The following MT4 variants were observed in gnomAD, a reference collection of about 807,000 sequenced individuals.
MT4 encodes the protein metallothionein-4.
MT4 carries 11 observed loss-of-function variants against 9.5 expected under a neutral mutation model. The observed-to-expected ratio is 1.16, with a 90% CI of 0.73 to 1.92. The LOEUF (loss-of-function observed/expected upper bound fraction) is 1.92. Among genes scored for constraint, MT4 ranks in the 30% most tolerant of loss-of-function variants. The probability of loss-of-function intolerance (pLI) is 0.00; values close to 1 mark genes in which losing one functional copy is unlikely to be tolerated. For missense variants in MT4, 88 were observed against 78.7 expected (o/e 1.12, Z -0.45); for synonymous variants, 29 against 24.6 (o/e 1.18, Z -0.53).
chr16:56,565,716 G>C (rs1408634388), intron 1 of MT4, among the ~76,000 whole-genome samples: 1 of 152,180 alleles, frequency 6.6e-6, no homozygotes, highest in South Asian at 2.1e-4. Context: ...GCCAGAAGGA[G>C]AGAAATCAGG....
At chr16:56,565,309 C>G (rs182221) in intron 1 of MT4, 150 bp downstream of exon 1, 492,424 of 672,270 alleles carry the variant, frequency 0.73, 187,206 homozygotes, top group Admixed American at 0.8. Context: ...CTGGCCACCT[C>G]TGGGGCAGCT....
At chr16:56,566,696 GAAAGAGAAAGAAAGAA>G (rs1959523017) in intron 1 of MT4, among the ~76,000 whole-genome samples, 2 of 107,996 alleles carry the variant, frequency 1.9e-5, no homozygotes, top group Non-Finnish European at 3.8e-5. Flanking sequence ...AAGAAAGAAA[GAAAGAGAAAGAAAGAA>G]AGAAAGAAAG....
At chr16:56,565,619 C>A (rs750125346) in intron 1 of MT4, among the ~76,000 whole-genome samples, 100 of 152,288 alleles carry the variant, frequency 6.6e-4, no homozygotes, top group Non-Finnish European at 1.3e-3. Context: ...CCATTAAGCA[C>A]CTGCAGATGT....
chr16:56,567,700 C>T, intron 1 of MT4, 51 bp from the exon 2 acceptor site: 1 of 1,553,452 alleles, frequency 6.4e-7, no homozygotes, highest in South Asian at 1.1e-5. Context: ...CCTTATGTTC[C>T]CCACTCCATC....
In MT4 at chr16:56,565,430, G is replaced by A. The variant is rs1261354137; in HGVS notation, c.31+271G>A. 2.0e-5 allele frequency among the ~76,000 whole-genome samples: 3 copies of A among 152,304 alleles called. No homozygotes were observed. In the South Asian group the frequency reaches 6.2e-4, roughly 32 times the overall value. ...GGTCTTTCTAGCGTTGGCCCCTAAGGGCAGTCACCAGGGTGAGGAGAAGAG... is the reference window on the plus strand; with the variant it reads ...GGTCTTTCTAGCGTTGGCCCCTAAGAGCAGTCACCAGGGTGAGGAGAAGAG... On this transcript the variant is annotated intron_variant, in intron 1 of 2. Coordinates refer to ENST00000219162, the MANE Select transcript of MT4 (RefSeq NM_032935.3).
chr16:56,565,406 G>A (rs1442046638), intron 1 of MT4, among the ~76,000 whole-genome samples: 4 of 152,196 alleles, frequency 2.6e-5, no homozygotes, highest in African/African-American at 9.6e-5. Context: ...GCAAACTTTG[G>A]TCTTTCTAGC....
rs562176417 is a variant in MT4 at position 56,568,586 on chromosome 16, T to C, written c.98-255T>C. Among the ~76,000 whole-genome samples, 4 of 152,226 alleles carry C rather than the reference T, an allele frequency of 2.6e-5. No homozygotes were observed. The South Asian group carries it at 8.3e-4, about 32-fold the overall frequency. ...TGGAGTCATGAGCCCTAGGTTCTAG[T>C]CTTGCTTTTGCCACTGTCTCATGAC... On this transcript the variant is annotated intron_variant, in intron 2 of 2. Transcript: ENST00000219162.
At chr16:56,568,208 AG>A (rs1222395003) in intron 2 of MT4, among the ~76,000 whole-genome samples, 50 of 62,712 alleles carry the variant, frequency 8.0e-4, no homozygotes, top group African/African-American at 3.1e-3. Context: ...AGAGAGAGAG[AG>A]AGAGAGAAAG....
At chr16:56,568,301 G>GAAA in intron 2 of MT4, among the ~76,000 whole-genome samples, 1 of 146,502 alleles carries the variant, frequency 6.8e-6, no homozygotes. Context: ...AAGAAAGAAA[G>GAAA]AAAGAAAGAA....
chr16:56,567,073 G>A (rs1441959868), intron 1 of MT4, among the ~76,000 whole-genome samples: 1 of 152,170 alleles, frequency 6.6e-6, no homozygotes, highest in African/African-American at 2.4e-5. Context: ...ACCCAGGCTG[G>A]AGTGCAGAGG....
At chr16:56,566,602 A>G (rs71387121) in intron 1 of MT4, among the ~76,000 whole-genome samples, 2 of 147,262 alleles carry the variant, frequency 1.4e-5, no homozygotes, top group African/African-American at 5.0e-5. Context: ...GAGAGAGAGA[A>G]AGAGAGAAAG....
chr16:56,567,851 A>G, intron 2 of MT4, 35 bp downstream of exon 2: 6 of 1,582,602 alleles, frequency 3.8e-6, no homozygotes, highest in Non-Finnish European at 5.2e-6. Flanking sequence ...ATGGGCTGGG[A>G]GTTAGAAAAG....
intron 1 of MT4, among the ~76,000 whole-genome samples, chr16:56,566,831 GAAA>G (rs1959541104): frequency 9.1e-6 from 1 of 109,966 alleles, no homozygotes; most frequent in Admixed American, 9.1e-5. Flanking sequence ...AAGAAAGAAA[GAAA>G]GAAAGAAAGA....
chr16:56,565,702 G>A (rs1401173633), intron 1 of MT4, among the ~76,000 whole-genome samples: 1 of 152,150 alleles, frequency 6.6e-6, no homozygotes, highest in Non-Finnish European at 1.5e-5. Flanking sequence ...CACGGAGCAT[G>A]TTAGCCAGAA....
rs540228994 is a variant in MT4, at chr16:56,566,843, G to T, written c.32-908G>T. Among the ~76,000 whole-genome samples the T allele has an allele frequency of 1.1e-3, 148 of 133,846 alleles. 1 individual carries two copies. Among genetic ancestry groups the T allele is most frequent in the Non-Finnish European group, 1.7e-3 (100 of 59,412 alleles). The allele number at this position is 133,846 out of a possible 152,430, so 87.8% of individuals were successfully genotyped here. On this transcript the variant is annotated intron_variant, in intron 1 of 2. Coordinates refer to ENST00000219162, the MANE Select transcript of MT4 (RefSeq NM_032935.3). Reference sequence around the variant, plus strand: ...GAAAAGAAAGAAAGAAAGAAAGAAAGAAAGAAAGAAAGAAATGAGGGAGAG... The same window carrying T: ...GAAAAGAAAGAAAGAAAGAAAGAAATAAAGAAAGAAAGAAATGAGGGAGAG...
rs1567330586 is a variant in MT4, at chr16:56,568,253, A to AGAG, written c.97+437_97+438insGAG. 8.1e-4 allele frequency among the ~76,000 whole-genome samples: 56 copies of AGAG among 69,242 alleles called. 1 individual carries two copies. The highest frequency in any genetic ancestry group is 6.2e-3 in the South Asian group (10 of 1,614). The allele number at this position is 69,242 out of a possible 152,430, so 45.4% of individuals were successfully genotyped here. On this transcript the variant is annotated intron_variant, in intron 2 of 2. Coordinates refer to ENST00000219162, the MANE Select transcript of MT4 (RefSeq NM_032935.3). ...AAAGAAAGAAAGAAAGAAAGAAAGA[A>AGAG]AGAAAGAGAGAGAGAGAGAGAAAGA...
At chr16:56,566,826 A>G (rs1490798159) in intron 1 of MT4, among the ~76,000 whole-genome samples, 10 of 100,696 alleles carry the variant, frequency 9.9e-5, no homozygotes, top group South Asian at 3.5e-4. Context: ...AAGAAAAGAA[A>G]GAAAGAAAGA....
Position 56,568,919 on chromosome 16 carries a change from GC to G in MT4, c.177del (p.Cys60AlafsTer?), listed in dbSNP as rs1291643202. On this transcript the variant is annotated frameshift_variant, in exon 3 of 3. Coordinates refer to ENST00000219162, the MANE Select transcript of MT4 (RefSeq NM_032935.3). LOFTEE classifies it high-confidence loss of function. ...CICKGGSDKCSCCP is the reference protein window; with the variant it reads ...CICKGGSDKCXCCP Reference sequence around the variant, plus strand: ...TGCAAAGGAGGCTCAGACAAGTGCAGCTGCTGCCCATGAAAGCCATCCATCG... The same window carrying G: ...TGCAAAGGAGGCTCAGACAAGTGCAGTGCTGCCCATGAAAGCCATCCATCG... The G allele has an allele frequency of 6.2e-7, 1 of 1,604,052 alleles. No individual in the cohort carries two copies. The highest frequency in any genetic ancestry group is 1.3e-5 in the African/African-American group (1 of 74,680).
chr16:56,565,081 T>G lies in MT4; in HGVS notation c.-48T>G. 6.2e-7 allele frequency: 1 copy of G among 1,611,454 alleles called. No homozygotes were observed. The highest frequency in any genetic ancestry group is 1.3e-5 in the African/African-American group (1 of 74,950). On this transcript the variant is annotated 5_prime_UTR_variant, in exon 1 of 3. Coordinates refer to ENST00000219162, the MANE Select transcript of MT4 (RefSeq NM_032935.3). ...GCCTCTGGCTGCTGCTCACTCAGCC[T>G]CCCTTCCCCAGCCGTGACAGCACTG...
Sources: gnomAD v4.1 joint callset for allele counts (sites outside exome capture counted in the v4.1 genomes callset) on GRCh38, gnomAD v4.1.1 for gene constraint, MANE v1.5 for transcripts, NCBI Gene and HGNC (gene_info 2026-07-23, HGNC 2026-07-21) for gene names.